The following TCP11L2 variants were observed in gnomAD, a reference collection of about 807,000 sequenced individuals.
TCP11L2 encodes T-complex protein 11-like protein 2.
In TCP11L2, 39 loss-of-function variants were observed where a neutral mutation model predicts 50.7. The observed-to-expected ratio is 0.77, with a 90% confidence interval of 0.60 to 1.01. TCP11L2 has a LOEUF of 1.01. Among genes scored for constraint, TCP11L2 ranks in the 50% least tolerant of loss-of-function variants. TCP11L2 has a pLI of 0.00. For synonymous variants in TCP11L2, 192 were observed against 219.3 expected, an observed-to-expected ratio of 0.88 and a Z score of 1.10; for missense variants, 612 against 614.7, an observed-to-expected ratio of 1.00 and a Z score of 0.05.
intron 4 of TCP11L2, 116 bp from the exon 5 acceptor site, chr12:106,321,370 T>C: frequency 1.2e-6 from 1 of 824,612 alleles, no homozygotes; most frequent in Non-Finnish European, 1.9e-6. Flanking sequence ...CCAACTTCTG[T>C]GGCATCTGAG....
At chr12:106,342,981 C>T (rs1279298631) in intron 9 of TCP11L2, among the ~76,000 whole-genome samples, 1 of 152,190 alleles carries the variant, frequency 6.6e-6, no homozygotes, top group Non-Finnish European at 1.5e-5. Context: ...CCCAGCTTTC[C>T]CCAGTCCAAC....
At chr12:106,333,904 T>C (rs2035826427) in intron 6 of TCP11L2, among the ~76,000 whole-genome samples, 1 of 152,098 alleles carries the variant, frequency 6.6e-6, no homozygotes. Flanking sequence ...GTTCTACAAA[T>C]GAGGAAATCA....
intron 8 of TCP11L2, among the ~76,000 whole-genome samples, chr12:106,339,295 C>T (rs1452231051): frequency 6.6e-6 from 1 of 152,208 alleles, no homozygotes; most frequent in Non-Finnish European, 1.5e-5. Context: ...TGAGAAGTAT[C>T]TGTTCATGTC....
In TCP11L2 at chr12:106,340,860, G is replaced by C; in HGVS notation, c.1177G>C (p.Gly393Arg). The change falls in exon 9 of 10, where the codon GGT becomes CGT. Residue 393 changes from glycine (G) to arginine (R), a missense_variant. Gly to Arg is a moderately radical substitution (Grantham distance 125). Transcript: ENST00000299045. ...CTTGAAGGAAGTCCTGAATTCTATT[G>C]GTATTCAGACTTGTGTTGAGGTTAA... Reference protein sequence around the residue: ...FNLKEVLNSIGIQTCVEVNKT... With the variant: ...FNLKEVLNSIRIQTCVEVNKT... 6.2e-7 allele frequency: 1 copy of C among 1,606,788 alleles called. No individual in the cohort carries two copies. The highest frequency in any genetic ancestry group is 8.5e-7 in the Non-Finnish European group (1 of 1,177,912).
At chr12:106,342,714 T>C (rs1455160045) in intron 9 of TCP11L2, among the ~76,000 whole-genome samples, 1 of 152,220 alleles carries the variant, frequency 6.6e-6, no homozygotes, top group Non-Finnish European at 1.5e-5. Flanking sequence ...TAACTTTCAC[T>C]CAAAGTCCCA....
intron 2 of TCP11L2, 102 bp downstream of exon 2, chr12:106,311,334 C>T (rs984203212): frequency 7.5e-7 from 1 of 1,341,486 alleles, no homozygotes; most frequent in Admixed American, 2.2e-5. Flanking sequence ...GACTTCCCCT[C>T]CTTTCTAGAT....
intron 6 of TCP11L2, among the ~76,000 whole-genome samples, chr12:106,327,348 C>A (rs2035587433): frequency 6.6e-6 from 1 of 152,102 alleles, no homozygotes; most frequent in Non-Finnish European, 1.5e-5. Context: ...CATGTGCCAC[C>A]ACGCCTGGCT....
chr12:106,334,332 AG>A (rs1370532191), intron 6 of TCP11L2, among the ~76,000 whole-genome samples: 1 of 152,220 alleles, frequency 6.6e-6, no homozygotes, highest in Non-Finnish European at 1.5e-5. Flanking sequence ...GATTTATTTC[AG>A]AACCTCTCTA....
intron 1 of TCP11L2, among the ~76,000 whole-genome samples, chr12:106,310,667 G>A (rs979248044): frequency 2.6e-5 from 4 of 152,190 alleles, no homozygotes; most frequent in African/African-American, 9.7e-5. Flanking sequence ...ATGGCAAAAG[G>A]CAGAACAGAA....
At chr12:106,308,670 T>C (rs1321143347) in intron 1 of TCP11L2, among the ~76,000 whole-genome samples, 9 of 152,204 alleles carry the variant, frequency 5.9e-5, no homozygotes, top group Admixed American at 4.6e-4. Flanking sequence ...CTTTAAGATA[T>C]TCAAATAAGA....
intron 6 of TCP11L2, among the ~76,000 whole-genome samples, chr12:106,327,689 C>T (rs2035606295): frequency 6.6e-6 from 1 of 152,134 alleles, no homozygotes; most frequent in South Asian, 2.1e-4. Context: ...AAAGTCAGCC[C>T]CTGTGCCCTA....
chr12:106,300,972 A>T (rs531735040), upstream of TCP11L2, among the ~76,000 whole-genome samples: 1 of 152,352 alleles, frequency 6.6e-6, no homozygotes, highest in Non-Finnish European at 1.5e-5. Context: ...TACAAAGCTA[A>T]CAAAGGAAGT....
intron 6 of TCP11L2, among the ~76,000 whole-genome samples, chr12:106,328,897 C>T (rs1186123363): frequency 6.6e-6 from 1 of 152,154 alleles, no homozygotes; most frequent in Non-Finnish European, 1.5e-5. Context: ...TGAACACTCT[C>T]ACCACTCAGA....
Position 106,336,220 on chromosome 12 carries a change from T to C in TCP11L2, c.1142+7T>C. 6.2e-7 allele frequency: 1 copy of C among 1,600,226 alleles called. No individual in the cohort carries two copies. The highest frequency in any genetic ancestry group is 8.5e-7 in the Non-Finnish European group (1 of 1,175,228). ...TTGAAGGCATGAACAAAGAGTAAGT[T>C]CCAAATTTTTGCATCTGCTCCCTCT... On this transcript the variant is annotated splice_region_variant and intron_variant, in intron 8 of 9. Transcript: ENST00000299045.
At chr12:106,320,974 T>G (rs1592949604) in intron 4 of TCP11L2, among the ~76,000 whole-genome samples, 1 of 152,244 alleles carries the variant, frequency 6.6e-6, no homozygotes, top group Admixed American at 6.5e-5. Context: ...ATCTTGTTTT[T>G]ATTAATTTTT....
chr12:106,300,228 G>T (rs1345724366), upstream of TCP11L2, among the ~76,000 whole-genome samples: 1 of 151,524 alleles, frequency 6.6e-6, no homozygotes, highest in Non-Finnish European at 1.5e-5. Flanking sequence ...AAGATTTTGT[G>T]TTATGACTGT....
At chr12:106,302,403 GCTC>G (rs2034447529), upstream of TCP11L2, among the ~76,000 whole-genome samples, 1 of 56,166 alleles carries the variant, frequency 1.8e-5, no homozygotes, top group Admixed American at 1.7e-4. Flanking sequence ...CTCAGCCCCC[GCTC>G]AGCCCCCGCT....
intron 9 of TCP11L2, among the ~76,000 whole-genome samples, chr12:106,343,154 T>A (rs1447826619): frequency 6.6e-6 from 1 of 152,120 alleles, no homozygotes; most frequent in Non-Finnish European, 1.5e-5. Flanking sequence ...TTACAAACAC[T>A]CCGGTCACTT....
chr12:106,305,144 T>C (rs2034576847), intron 1 of TCP11L2, among the ~76,000 whole-genome samples: 1 of 152,204 alleles, frequency 6.6e-6, no homozygotes, highest in African/African-American at 2.4e-5. Context: ...TACACTGCTG[T>C]GAACCCTTGG....
Sources: gnomAD v4.1 joint callset for allele counts (sites outside exome capture counted in the v4.1 genomes callset) on GRCh38, gnomAD v4.1.1 for gene constraint, MANE v1.5 for transcripts, NCBI Gene and HGNC (gene_info 2026-07-23, HGNC 2026-07-21) for gene names.